Variants in COL11A1 observed in about 807,000 individuals in gnomAD.
COL11A1 encodes collagen alpha-1(XI) chain.
In COL11A1, 74 loss-of-function variants were observed where a neutral mutation model predicts 265.2. The ratio of observed to expected loss-of-function variants is 0.28; its 90% CI spans 0.23 to 0.34. COL11A1 has a LOEUF of 0.34. Among genes scored for constraint, COL11A1 ranks in the 10% least tolerant of loss-of-function variants. The pLI, the probability that COL11A1 is intolerant of heterozygous loss-of-function variation, is 1.00. For missense variants in COL11A1, 2,165 were observed against 2,263.6 expected, an observed-to-expected ratio of 0.96 and a Z score of 0.88; for synonymous variants, 816 against 727.6, an observed-to-expected ratio of 1.12 and a Z score of -1.96.
chr1:103,108,320 T>C lies in COL11A1; in HGVS notation c.-142A>G. ...GAGGGGGAAAAAGTCAAAGGGCTTTTTCTTCTAAATTTGATGGTTTGCGTT... is the reference window on the plus strand; with the variant it reads ...GAGGGGGAAAAAGTCAAAGGGCTTTCTCTTCTAAATTTGATGGTTTGCGTT... On this transcript the variant is annotated 5_prime_UTR_variant, in exon 1 of 67. Transcript: ENST00000370096. The C allele has an allele frequency of 1.4e-6, 1 of 710,136 alleles. No homozygotes were observed. The highest frequency in any genetic ancestry group is 2.7e-5 in the East Asian group (1 of 37,084). The allele number at this position is 710,136 out of a possible 1,614,324, so 44.0% of individuals were successfully genotyped here.
chr1:103,034,358 G>T (rs569084882), intron 4 of COL11A1, among the ~76,000 whole-genome samples: 5 of 151,532 alleles, frequency 3.3e-5, no homozygotes, highest in African/African-American at 1.2e-4. Flanking sequence ...CCGCACTGAG[G>T]CTGTCAACTT....
chr1:103,051,604 C>T (rs973798558), intron 4 of COL11A1, among the ~76,000 whole-genome samples: 12 of 152,156 alleles, frequency 7.9e-5, no homozygotes, highest in African/African-American at 2.4e-4. Context: ...GCACTGCACC[C>T]ACTGTCCTGC....
chr1:102,972,256 G>A (rs1196760782), intron 36 of COL11A1, among the ~76,000 whole-genome samples: 1 of 152,054 alleles, frequency 6.6e-6, no homozygotes, highest in Non-Finnish European at 1.5e-5. Flanking sequence ...CTTAAATGAT[G>A]TACTTTGCCA....
At chr1:102,927,956 G>T (rs1009455608) in intron 46 of COL11A1, among the ~76,000 whole-genome samples, 2 of 152,020 alleles carry the variant, frequency 1.3e-5, no homozygotes, top group African/African-American at 4.8e-5. Context: ...AGAGTCATAG[G>T]TCGAGTTTCT....
At chr1:103,046,432 G>T (rs967352008) in intron 4 of COL11A1, among the ~76,000 whole-genome samples, 2 of 151,550 alleles carry the variant, frequency 1.3e-5, no homozygotes, top group Admixed American at 6.6e-5. Flanking sequence ...CATATCCTTT[G>T]CCCACTTTTT....
intron 1 of COL11A1, among the ~76,000 whole-genome samples, chr1:103,086,194 C>A (rs1558041007): frequency 6.6e-6 from 1 of 152,014 alleles, no homozygotes; most frequent in Admixed American, 6.6e-5. Flanking sequence ...TTCTGAAAAC[C>A]ACAGCATTTT....
chr1:102,949,883 T>G (rs745344228), intron 41 of COL11A1, among the ~76,000 whole-genome samples: 2 of 152,198 alleles, frequency 1.3e-5, no homozygotes, highest in Non-Finnish European at 2.9e-5. Flanking sequence ...TGGTTGAACA[T>G]TGTGTAAAAC....
chr1:103,036,100 G>A (rs961604194), intron 4 of COL11A1, among the ~76,000 whole-genome samples: 11 of 151,388 alleles, frequency 7.3e-5, no homozygotes, highest in African/African-American at 2.2e-4. Flanking sequence ...GAATCACTGA[G>A]GGTTTTGATT....
chr1:103,069,135 TAGG>T (rs1166848765), intron 4 of COL11A1, among the ~76,000 whole-genome samples: 1 of 151,694 alleles, frequency 6.6e-6, no homozygotes, highest in African/African-American at 2.4e-5. Flanking sequence ...GAATAAAAAG[TAGG>T]AGTATTTACC....
intron 41 of COL11A1, among the ~76,000 whole-genome samples, chr1:102,948,599 A>T (rs1659552835): frequency 6.6e-6 from 1 of 151,984 alleles, no homozygotes. Context: ...TCTAGGGAAT[A>T]TTCTTATATT....
intron 4 of COL11A1, among the ~76,000 whole-genome samples, chr1:103,050,080 G>A (rs1055015992): frequency 4.6e-5 from 7 of 152,018 alleles, no homozygotes; most frequent in African/African-American, 1.7e-4. Flanking sequence ...TATGTTTCTT[G>A]GAGTTGCTCT....
intron 13 of COL11A1, among the ~76,000 whole-genome samples, chr1:103,013,668 C>T (rs1666315655): frequency 6.6e-6 from 1 of 151,768 alleles, no homozygotes; most frequent in African/African-American, 2.4e-5. Flanking sequence ...CTCATGTTTT[C>T]AGATATTTTT....
chr1:103,008,399 C>T lies in COL11A1; in HGVS notation c.1683+64G>A, dbSNP rs12143793. 2.6e-5 allele frequency: 36 copies of T among 1,359,814 alleles called. 1 individual carries two copies. Among genetic ancestry groups the T allele is most frequent in the South Asian group, 1.5e-4 (13 of 84,758 alleles). The allele number at this position is 1,359,814 out of a possible 1,614,324, so 84.2% of individuals were successfully genotyped here. A position where few individuals can be genotyped will look rare whatever the true frequency, so the allele number is the denominator to read the frequency against. On this transcript the variant is annotated intron_variant, in intron 15 of 66. Transcript: ENST00000370096. ...AAAAAATTAACTATTGATGCATTCT[C>T]GAAGGAATTATGCTGTATCAAAGAA...
chr1:103,011,721 A>T (rs1212001209), intron 14 of COL11A1, among the ~76,000 whole-genome samples: 1 of 152,040 alleles, frequency 6.6e-6, no homozygotes, highest in Admixed American at 6.5e-5. Context: ...CAAAAAACAA[A>T]TATTTAAAAT....
rs113900968 is a variant in COL11A1, at chr1:102,934,361, GA to G, written c.3600+87del. ...ACCCAAGTTCTTACGTAGAAAAAAA[GA>G]AAAAAATACTTTGTTTTACATCCAC... On this transcript the variant is annotated intron_variant, in intron 46 of 66. Transcript: ENST00000370096. 0.033 allele frequency: 31,790 copies of G among 965,656 alleles called. 632 individuals carry two copies. The highest frequency in any genetic ancestry group is 0.059 in the Middle Eastern group (275 of 4,660). 59.8% of individuals were successfully genotyped at this position (965,656 alleles called of 1,614,324 possible).
At chr1:102,973,818 C>T (rs1263490242) in intron 36 of COL11A1, among the ~76,000 whole-genome samples, 4 of 152,054 alleles carry the variant, frequency 2.6e-5, no homozygotes, top group African/African-American at 9.7e-5. Context: ...ATAATTTAAG[C>T]AGGGTCTAAA....
intron 4 of COL11A1, among the ~76,000 whole-genome samples, chr1:103,042,559 G>T (rs989524995): frequency 3.3e-5 from 5 of 152,016 alleles, no homozygotes; most frequent in Non-Finnish European, 7.4e-5. Context: ...GGACAGACAT[G>T]GAAGCTACCA....
At chr1:102,982,587 C>T (rs1277615602) in intron 31 of COL11A1, among the ~76,000 whole-genome samples, 1 of 151,894 alleles carries the variant, frequency 6.6e-6, no homozygotes, top group Non-Finnish European at 1.5e-5. Flanking sequence ...AATCAGTGTC[C>T]TGAGTACAGC....
chr1:103,006,374 A>T lies in COL11A1; in HGVS notation c.1684-59T>A, dbSNP rs530809383. ...AGAATTCTTGATCAATAAACTCAAT[A>T]GCATCAAGAGAGATGGTTTCAGAAA... is the stretch of plus-strand genomic sequence containing the variant. On this transcript the variant is annotated intron_variant, in intron 15 of 66. Transcript: ENST00000370096. 12 of 1,299,142 alleles carry T rather than the reference A, an allele frequency of 9.2e-6. No homozygotes were observed. In the East Asian group the frequency reaches 1.8e-4, roughly 19 times the overall value. 80.5% of individuals were successfully genotyped at this position (1,299,142 alleles called of 1,614,324 possible).
Sources: allele counts gnomAD v4.1 joint callset (sites outside exome capture counted in the v4.1 genomes callset), GRCh38; gene constraint gnomAD v4.1.1; transcripts MANE v1.5; gene names NCBI Gene and HGNC (gene_info 2026-07-23, HGNC 2026-07-21).